Variants in CRYBG3 observed in about 807,000 individuals in gnomAD.
The protein encoded by CRYBG3 is very large A-kinase anchor protein.
Under a neutral mutation model 244.2 loss-of-function variants are expected in CRYBG3, and 127 were observed. The ratio of observed to expected loss-of-function variants is 0.52; its 90% CI spans 0.45 to 0.60. CRYBG3 has a LOEUF of 0.60. Among genes scored for constraint, CRYBG3 ranks in the 20% least tolerant of loss-of-function variants. The probability of loss-of-function intolerance (pLI) is 0.00; values close to 1 mark genes in which losing one functional copy is unlikely to be tolerated. For missense variants in CRYBG3, 3,325 were observed against 3,442.5 expected, an observed-to-expected ratio of 0.97 and a Z score of 0.85; for synonymous variants, 1,132 against 1,195.8, an observed-to-expected ratio of 0.95 and a Z score of 1.10.
At position 97,843,202 on chromosome 3, in the gene CRYBG3, A is replaced by G. The variant is rs1432842871; in HGVS notation, c.157A>G (p.Asn53Asp). Residue 53 changes from asparagine to aspartate, a missense_variant, in exon 2 of 22, where the codon AAT (asparagine) becomes GAT (aspartate). Physicochemically the swap from Asn to Asp is conservative, Grantham distance 23. Coordinates refer to ENST00000389622, the MANE Select transcript of CRYBG3 (RefSeq NM_153605.4). Reference sequence around the variant, plus strand: ...GTGGTTTTTATTTTTCAGTGTTGAAAATGAGCCCATGAGCACAAGTCAGAA... The same window carrying G: ...GTGGTTTTTATTTTTCAGTGTTGAAGATGAGCCCATGAGCACAAGTCAGAA... ...APGRSAASVENEPMSTSQKKE... is the reference protein window; with the variant it reads ...APGRSAASVEDEPMSTSQKKE... 1.3e-6 allele frequency: 2 copies of G among 1,517,308 alleles called. No homozygotes were observed. The highest frequency in any genetic ancestry group is 1.8e-6 in the Non-Finnish European group (2 of 1,136,928). 94.0% of individuals were successfully genotyped at this position (1,517,308 alleles called of 1,614,324 possible).
Position 97,877,750 on chromosome 3 carries a change from G to T in CRYBG3, c.6556G>T (p.Asp2186Tyr). 1 of 1,614,062 alleles carries T rather than the reference G, an allele frequency of 6.2e-7. No individual in the cohort carries two copies. Among genetic ancestry groups the T allele is most frequent in the South Asian group, 1.1e-5 (1 of 91,048 alleles). ...TCCTTCCATCACATTTTACCCTGAT[G>T]ACCAGGAGAGCGTTGGAATTTCTAA... ...PDPSITFYPD[D>Y]QESVGISKNS... The change falls in exon 4 of 22, where the codon GAC becomes TAC. Residue 2186 changes from aspartate to tyrosine, a missense_variant. Transcript: ENST00000389622.
chr3:97,874,633 G>C lies in CRYBG3; in HGVS notation c.3439G>C (p.Asp1147His). ...TGATTTCCCAACTGCTGCCCAATTTGACAATCTCGTGGAAGCAGAGACTGG... is the reference window on the plus strand; with the variant it reads ...TGATTTCCCAACTGCTGCCCAATTTCACAATCTCGTGGAAGCAGAGACTGG... ...SIDFPTAAQFDNLVEAETGAV... is the reference protein window; with the variant it reads ...SIDFPTAAQFHNLVEAETGAV... Residue 1147 changes from aspartate (D) to histidine (H), a missense_variant, in exon 4 of 22, where the codon GAC (aspartate) becomes CAC (histidine). By Grantham distance (81) the Asp-to-His change is moderately conservative. Transcript: ENST00000389622. The C allele has an allele frequency of 6.5e-7, 1 of 1,536,040 alleles. No individual in the cohort carries two copies. The highest frequency in any genetic ancestry group is 8.7e-7 in the Non-Finnish European group (1 of 1,146,870).
At chr3:97,911,416 CTAAAGGGAA>C (rs1284294997) in intron 15 of CRYBG3, among the ~76,000 whole-genome samples, 6 of 152,034 alleles carry the variant, frequency 3.9e-5, no homozygotes, top group Admixed American at 3.9e-4. Context: ...TATATCTGGT[CTAAAGGGAA>C]TTATAGTTGA....
intron 15 of CRYBG3, among the ~76,000 whole-genome samples, chr3:97,911,466 C>A (rs1436659844): frequency 2.0e-5 from 3 of 152,146 alleles, no homozygotes; most frequent in Non-Finnish European, 4.4e-5. Context: ...ACAAAATTGA[C>A]TAAAGTAGAC....
At position 97,877,425 on chromosome 3, in the gene CRYBG3, G is replaced by T. The variant is rs1318700116; in HGVS notation, c.6231G>T (p.Arg2077Ser). 1.2e-6 allele frequency: 2 copies of T among 1,613,978 alleles called. No homozygotes were observed. Among genetic ancestry groups the T allele is most frequent in the East Asian group, 4.5e-5 (2 of 44,882 alleles). The change falls in exon 4 of 22, where the codon AGG becomes AGT. Residue 2077 changes from arginine to serine, a missense_variant. Physicochemically the swap from Arg to Ser is moderately radical, Grantham distance 110 (BLOSUM62 -1). Around this residue, in one of 4 missense-constraint regions of CRYBG3, gnomAD observed 450 missense variants for 424.1 expected, o/e 1.06. Transcript: ENST00000389622. ...SEMFLSVEAK[R>S]YKIYPLALSP... is the part of the protein sequence containing the mutation. The stretch of plus-strand genomic sequence containing the variant: ...TGTTCTTATCAGTGGAGGCCAAAAG[G>T]TACAAAATTTATCCTTTAGCATTGT...
chr3:97,890,713 T>C (rs2039566452), intron 10 of CRYBG3, among the ~76,000 whole-genome samples: 1 of 152,170 alleles, frequency 6.6e-6, no homozygotes, highest in Admixed American at 6.6e-5. Flanking sequence ...CTATAACCTT[T>C]TGATTTAGTG....
Position 97,874,326 on chromosome 3 carries a change from C to G in CRYBG3, c.3132C>G (p.Tyr1044Ter). The G allele has an allele frequency of 6.5e-7, 1 of 1,527,374 alleles. No individual in the cohort carries two copies. Among genetic ancestry groups the G allele is most frequent in the Non-Finnish European group, 8.7e-7 (1 of 1,144,618 alleles). The allele number at this position is 1,527,374 out of a possible 1,614,324, so 94.6% of individuals were successfully genotyped here. Residue 1044 changes from tyrosine to a stop codon, truncating the protein, a stop_gained, in exon 4 of 22, where the codon TAC (tyrosine) becomes TAG (stop). Coordinates refer to ENST00000389622, the MANE Select transcript of CRYBG3 (RefSeq NM_153605.4). LOFTEE classifies it high-confidence loss of function. ...VLKLEKKSSSYRKKENIHFLN... is the reference protein window; with the variant it reads ...VLKLEKKSSS ...AATTGGAAAAGAAATCCTCATCTTA[C>G]AGAAAGAAAGAGAACATCCATTTTT...
chr3:97,823,553 A>C (rs909979511), intron 1 of CRYBG3, among the ~76,000 whole-genome samples: 1 of 152,220 alleles, frequency 6.6e-6, no homozygotes, highest in Non-Finnish European at 1.5e-5. Context: ...GGGACGTTTC[A>C]GCTATTATTG....
Position 97,933,733 on chromosome 3 carries a change from C to T in CRYBG3, c.8281C>T (p.His2761Tyr). ...CTCCATCAGCCTTTTTGCTCTGGAG[C>T]ATTGTGAGGGAAGAGAGTTACATCT... ...EPSISLFALE[H>Y]CEGRELHLEE... Residue 2761 changes from histidine (H) to tyrosine (Y), a missense_variant, in exon 18 of 22, where the codon CAT becomes TAT. Around this residue, in one of 4 missense-constraint regions of CRYBG3, gnomAD observed 714 missense variants for 803.6 expected, o/e 0.89. Coordinates refer to ENST00000389622, the MANE Select transcript of CRYBG3 (RefSeq NM_153605.4). 4 of 1,612,974 alleles carry T rather than the reference C, an allele frequency of 2.5e-6. No homozygotes were observed. Among genetic ancestry groups the T allele is most frequent in the Non-Finnish European group, 3.4e-6 (4 of 1,179,276 alleles).
At chr3:97,934,087 T>C (rs2040132346) in intron 18 of CRYBG3, among the ~76,000 whole-genome samples, 1 of 152,080 alleles carries the variant, frequency 6.6e-6, no homozygotes, top group South Asian at 2.1e-4. Context: ...AATTTCCTGC[T>C]TAAGGCAAGT....
chr3:97,943,272 G>A lies in CRYBG3; in HGVS notation c.8871G>A (p.Leu2957=). The change falls in exon 22 of 22, where the codon CTG becomes CTA. Residue 2957 remains leucine (L), a synonymous_variant. Coordinates refer to ENST00000389622, the MANE Select transcript of CRYBG3 (RefSeq NM_153605.4). ...DKTHVIVNQP[L]EGEETQKWDI... is the part of the protein sequence containing the mutation. ...CTCATGTAATTGTAAATCAGCCCCT[G>A]GAGGGAGAAGAAACACAGAAATGGG... The A allele has an allele frequency of 1.3e-6, 2 of 1,593,764 alleles. No homozygotes were observed. Among genetic ancestry groups the A allele is most frequent in the Middle Eastern group, 1.7e-4 (1 of 6,010 alleles).
At chr3:97,901,761 CT>C (rs1362606611) in intron 15 of CRYBG3, among the ~76,000 whole-genome samples, 2 of 152,166 alleles carry the variant, frequency 1.3e-5, no homozygotes, top group South Asian at 4.1e-4. Context: ...CCTCCTTGTT[CT>C]TTTTTTATGG....
At chr3:97,938,565 T>C (rs957417637) in intron 19 of CRYBG3, among the ~76,000 whole-genome samples, 1 of 151,928 alleles carries the variant, frequency 6.6e-6, no homozygotes, top group African/African-American at 2.4e-5. Flanking sequence ...CACACCATTC[T>C]CATCCCACCA....
At position 97,878,834 on chromosome 3, in the gene CRYBG3, T is replaced by C. The variant is rs563773242; in HGVS notation, c.6843+797T>C. Among the ~76,000 whole-genome samples the C allele has an allele frequency of 2.6e-5, 4 of 152,352 alleles. No individual in the cohort carries two copies. The South Asian group carries it at 8.3e-4, about 32-fold the overall frequency. ...ACAAAAGAACTGAAAACTTTATAGC[T>C]GGAAAATGTTTTAAATTCAATTACA... On this transcript the variant is annotated intron_variant, in intron 4 of 21. Transcript: ENST00000389622.
At chr3:97,851,032 C>G (rs1038460541) in intron 2 of CRYBG3, among the ~76,000 whole-genome samples, 1 of 150,866 alleles carries the variant, frequency 6.6e-6, no homozygotes, top group African/African-American at 2.4e-5. Context: ...ACTTGGGAGG[C>G]TGAGGCAGAA....
chr3:97,835,038 A>C (rs891479283), intron 1 of CRYBG3, among the ~76,000 whole-genome samples: 5 of 152,272 alleles, frequency 3.3e-5, no homozygotes, highest in South Asian at 4.1e-4. Context: ...TATTTTTATA[A>C]AAGTAAAAGT....
rs2039193997 is a variant in CRYBG3, at chr3:97,864,352, AAAG to A, written c.355_357del (p.Glu119del). ...AATAGGAGAAAGTGACAGACAGCCA[AAAG>A]AAAGCTTTTTTCAGTTTCTTGGTAA... On this transcript the variant is annotated inframe_deletion, in exon 3 of 22. Transcript: ENST00000389622. 1 of 1,535,996 alleles carries A rather than the reference AAAG, an allele frequency of 6.5e-7. No homozygotes were observed. The highest frequency in any genetic ancestry group is 1.7e-4 in the Middle Eastern group (1 of 5,988).
chr3:97,835,224 A>G (rs1210304940), intron 1 of CRYBG3, among the ~76,000 whole-genome samples: 1 of 152,104 alleles, frequency 6.6e-6, no homozygotes, highest in African/African-American at 2.4e-5. Context: ...ATGTGTCTCT[A>G]CTTACATAGG....
intron 2 of CRYBG3, among the ~76,000 whole-genome samples, chr3:97,848,427 G>A (rs1429528183): frequency 6.6e-6 from 1 of 151,896 alleles, no homozygotes; most frequent in Non-Finnish European, 1.5e-5. Context: ...TCACCCTCCC[G>A]AGTAGCTGGG....
Sources: gnomAD v4.1 joint callset for allele counts (sites outside exome capture counted in the v4.1 genomes callset) on GRCh38, gnomAD v4.1.1 for gene constraint, gnomAD v4.1.1 regional missense constraint, MANE v1.5 for transcripts, NCBI Gene and HGNC (gene_info 2026-07-23, HGNC 2026-07-21) for gene names.